Variants in DAB1 observed in about 807,000 individuals in gnomAD.
DAB1 encodes DAB adaptor protein 1.
Under a neutral mutation model 64.6 loss-of-function variants are expected in DAB1, and 15 were observed. The observed-to-expected ratio is 0.23, with a 90% CI of 0.16 to 0.36. The LOEUF (loss-of-function observed/expected upper bound fraction) is 0.36, where lower values mean the gene tolerates loss of function less well. DAB1 is among the 10% of genes least tolerant of loss of function. The pLI, the probability that DAB1 is intolerant of heterozygous loss-of-function variation, is 1.00. For synonymous variants in DAB1, 235 were observed against 251.9 expected (o/e 0.93, Z 0.64); for missense variants, 596 against 706.7 (o/e 0.84, Z 1.78).
At chr1:57,235,463 T>G (rs1041631167) in intron 2 of DAB1, among the ~76,000 whole-genome samples, 5 of 152,202 alleles carry the variant, frequency 3.3e-5, no homozygotes, top group Non-Finnish European at 5.9e-5. Context: ...CATAGATGCC[T>G]GATATATATT....
At chr1:57,744,580 G>A (rs1260089158) in intron 6 of DAB1, among the ~76,000 whole-genome samples, 3 of 152,170 alleles carry the variant, frequency 2.0e-5, no homozygotes, top group Admixed American at 6.5e-5. Context: ...TTTGGCTGAA[G>A]TCACCGAGGA....
At chr1:57,494,970 T>G (rs1325436480) in intron 7 of DAB1, among the ~76,000 whole-genome samples, 1 of 152,154 alleles carries the variant, frequency 6.6e-6, no homozygotes, top group East Asian at 1.9e-4. Flanking sequence ...GGTTAATATA[T>G]GGGATAACTG....
intron 4 of DAB1, among the ~76,000 whole-genome samples, chr1:58,161,760 T>A (rs1004905794): frequency 2.6e-5 from 4 of 152,126 alleles, no homozygotes; most frequent in Non-Finnish European, 5.9e-5. Flanking sequence ...TAGTAAGTAG[T>A]AAAACTTGGC....
intron 1 of DAB1, among the ~76,000 whole-genome samples, chr1:58,537,045 A>G (rs1197559404): frequency 1.3e-5 from 2 of 151,112 alleles, no homozygotes; most frequent in African/African-American, 4.9e-5. Flanking sequence ...ATTTATTACT[A>G]TCTAGTACAT....
At chr1:57,268,058 T>C (rs953248913) in intron 2 of DAB1, among the ~76,000 whole-genome samples, 3 of 152,198 alleles carry the variant, frequency 2.0e-5, no homozygotes, top group Admixed American at 1.3e-4. Context: ...GATTTCTCCA[T>C]GTTCAACAAG....
In DAB1 at chr1:58,427,702, C is replaced by G. The variant is rs376025033; in HGVS notation, n.257+78358G>C. ...AATAAGATTGGGAGGTCTTCGGTGC[C>G]AGGAATTTGGGGATCCAGTGTTTGA... On this transcript the variant is annotated intron_variant and non_coding_transcript_variant, in intron 3 of 20. Transcript: ENST00000485760. Among the ~76,000 whole-genome samples the G allele has an allele frequency of 1.8e-4, 27 of 152,224 alleles. No individual in the cohort carries two copies. In the South Asian group the frequency reaches 5.6e-3, roughly 32 times the overall value.
chr1:57,597,957 T>C (rs1486430761), intron 7 of DAB1, among the ~76,000 whole-genome samples: 1 of 152,142 alleles, frequency 6.6e-6, no homozygotes, highest in Non-Finnish European at 1.5e-5. Flanking sequence ...CACATTTTTA[T>C]TTATTTTTTA....
chr1:57,641,375 G>GT (rs1646125857), intron 7 of DAB1, among the ~76,000 whole-genome samples: 1 of 79,312 alleles, frequency 1.3e-5, no homozygotes, highest in South Asian at 4.3e-4. Context: ...TCTTTTTTTT[G>GT]TTGGTTTTTT....
rs1458651772 is a variant in DAB1 at position 57,151,845 on chromosome 1, G to A, written c.68-6416C>T. Reference sequence around the variant, plus strand: ...TTTTTTTTTTTTGAGACACAGTCTCGCTCTATTGCCCAGGCTGGAGTGCAG... The same window carrying A: ...TTTTTTTTTTTTGAGACACAGTCTCACTCTATTGCCCAGGCTGGAGTGCAG... On this transcript the variant is annotated intron_variant, in intron 2 of 14. Transcript: ENST00000371236. 1.3e-4 allele frequency among the ~76,000 whole-genome samples: 15 copies of A among 117,428 alleles called. 1 individual carries two copies. The highest frequency in any genetic ancestry group is 5.2e-4 in the South Asian group (2 of 3,846). 77.0% of individuals were successfully genotyped at this position (117,428 alleles called of 152,430 possible).
intron 4 of DAB1, among the ~76,000 whole-genome samples, chr1:57,097,782 ATTTATT>A (rs1254766162): frequency 1.3e-5 from 2 of 150,634 alleles, no homozygotes; most frequent in Non-Finnish European, 3.0e-5. Flanking sequence ...TTATTTATTT[ATTTATT>A]TATTTTTGAG....
intron 5 of DAB1, among the ~76,000 whole-genome samples, chr1:57,944,740 C>A (rs1032214649): frequency 6.6e-6 from 1 of 152,116 alleles, no homozygotes; most frequent in Non-Finnish European, 1.5e-5. Context: ...TATATAACCT[C>A]GGCAAGCTGC....
chr1:58,366,449 C>A (rs1644218746), intron 3 of DAB1, among the ~76,000 whole-genome samples: 2 of 152,320 alleles, frequency 1.3e-5, no homozygotes, highest in South Asian at 2.1e-4. Context: ...AACACCAGCT[C>A]AGAGGCAATG....
intron 4 of DAB1, among the ~76,000 whole-genome samples, chr1:58,169,528 A>G (rs907219092): frequency 2.6e-5 from 4 of 152,166 alleles, no homozygotes; most frequent in African/African-American, 9.7e-5. Flanking sequence ...TGGGGAAAAA[A>G]AGCCATCTGA....
chr1:57,134,668 G>A (rs539064395), intron 4 of DAB1, among the ~76,000 whole-genome samples: 1 of 152,130 alleles, frequency 6.6e-6, no homozygotes, highest in South Asian at 2.1e-4. Context: ...CTGAACCTAA[G>A]TTTAAAAAGA....
At chr1:58,219,708 T>A (rs1055420966) in intron 4 of DAB1, among the ~76,000 whole-genome samples, 1 of 152,216 alleles carries the variant, frequency 6.6e-6, no homozygotes, top group African/African-American at 2.4e-5. Flanking sequence ...TACATGCACC[T>A]GCACACACAC....
At chr1:58,408,319 A>T (rs1366021314) in intron 3 of DAB1, among the ~76,000 whole-genome samples, 1 of 152,214 alleles carries the variant, frequency 6.6e-6, no homozygotes, top group Non-Finnish European at 1.5e-5. Flanking sequence ...CTCAGTTGAT[A>T]CTTCCTCACA....
At chr1:58,170,765 G>A (rs537536973) in intron 4 of DAB1, among the ~76,000 whole-genome samples, 272 of 152,180 alleles carry the variant, frequency 1.8e-3, no homozygotes, top group Non-Finnish European at 3.1e-3. Context: ...TCACTGGAAG[G>A]CACACTGCCC....
At chr1:58,483,010 A>G (rs1645515332) in intron 3 of DAB1, among the ~76,000 whole-genome samples, 1 of 152,176 alleles carries the variant, frequency 6.6e-6, no homozygotes, top group Non-Finnish European at 1.5e-5. Context: ...AAGCTAATAC[A>G]CTACTACTTA....
chr1:57,184,535 C>T (rs971602353), intron 2 of DAB1, among the ~76,000 whole-genome samples: 3 of 152,170 alleles, frequency 2.0e-5, no homozygotes, highest in African/African-American at 7.2e-5. Context: ...CTCATTATCA[C>T]AGATTTCACA....
Sources: gnomAD v4.1 joint callset for allele counts (sites outside exome capture counted in the v4.1 genomes callset) on GRCh38, gnomAD v4.1.1 for gene constraint, MANE v1.5 for transcripts, NCBI Gene and HGNC (gene_info 2026-07-23, HGNC 2026-07-21) for gene names.